Variants in RUNX2 observed in about 807,000 individuals in gnomAD.
The protein encoded by RUNX2 is RUNX family transcription factor 2.
Under a neutral mutation model 51.7 loss-of-function variants are expected in RUNX2, and 10 were observed. That is an observed-to-expected ratio of 0.19 (90% confidence interval 0.12 to 0.33). The LOEUF is 0.33. Among genes scored for constraint, RUNX2 ranks in the 10% least tolerant of loss-of-function variants. The pLI is 1.00. For missense variants in RUNX2, 562 were observed against 691.3 expected (o/e 0.81, Z 2.10); for synonymous variants, 276 against 273.6 (o/e 1.01, Z -0.09).
intron 7 of RUNX2, among the ~76,000 whole-genome samples, chr6:45,536,531 G>A (rs1191785320): frequency 2.6e-5 from 4 of 152,132 alleles, no homozygotes; most frequent in African/African-American, 7.2e-5. Flanking sequence ...GACCACACCT[G>A]GGGACCAAGC....
At chr6:45,465,089 C>T (rs903416718) in intron 5 of RUNX2, among the ~76,000 whole-genome samples, 2 of 152,124 alleles carry the variant, frequency 1.3e-5, no homozygotes, top group African/African-American at 4.8e-5. Context: ...TTTGTCTCTG[C>T]CATGGTTCCT....
At chr6:45,530,162 G>C (rs944706833) in intron 7 of RUNX2, among the ~76,000 whole-genome samples, 1 of 152,090 alleles carries the variant, frequency 6.6e-6, no homozygotes, top group African/African-American at 2.4e-5. Context: ...ACATTCCCTG[G>C]TACCTAAGAG....
chr6:45,451,979 A>T (rs908779796), intron 5 of RUNX2, among the ~76,000 whole-genome samples: 6 of 152,236 alleles, frequency 3.9e-5, no homozygotes, highest in African/African-American at 1.4e-4. Context: ...TCTTTAATTG[A>T]GAAAAATATG....
At chr6:45,391,569 A>T (rs1797470898) in intron 2 of RUNX2, among the ~76,000 whole-genome samples, 1 of 152,204 alleles carries the variant, frequency 6.6e-6, no homozygotes, top group Non-Finnish European at 1.5e-5. Flanking sequence ...GCTGTAAAGA[A>T]CTGCCTGAGA....
At chr6:45,475,943 CA>C (rs1206233643) in intron 5 of RUNX2, among the ~76,000 whole-genome samples, 1 of 152,188 alleles carries the variant, frequency 6.6e-6, no homozygotes, top group Non-Finnish European at 1.5e-5. Flanking sequence ...TAGATTTTAG[CA>C]ACCTCTGGTG....
intron 6 of RUNX2, among the ~76,000 whole-genome samples, chr6:45,511,489 GA>G (rs1482481578): frequency 6.6e-6 from 1 of 152,180 alleles, no homozygotes; most frequent in Admixed American, 6.5e-5. Flanking sequence ...ACTGGCTGGT[GA>G]TGAAACTTTT....
intron 5 of RUNX2, among the ~76,000 whole-genome samples, chr6:45,440,680 G>A (rs1290475533): frequency 6.6e-6 from 1 of 151,268 alleles, no homozygotes. Flanking sequence ...TGGAATATTT[G>A]CGTATATAAT....
chr6:45,515,380 T>C lies in RUNX2; in HGVS notation c.1021+2973T>C, dbSNP rs543345280. Reference sequence around the variant, plus strand: ...CTTCAGGGTTGGTGTGAGGATTAAGTGAGATACTTCATATAAAGTGTTTAG... The same window carrying C: ...CTTCAGGGTTGGTGTGAGGATTAAGCGAGATACTTCATATAAAGTGTTTAG... On this transcript the variant is annotated intron_variant, in intron 7 of 8. Coordinates refer to ENST00000647337, the MANE Select transcript of RUNX2 (RefSeq NM_001024630.4). Among the ~76,000 whole-genome samples, 7 of 152,306 alleles carry C rather than the reference T, an allele frequency of 4.6e-5. No homozygotes were observed. In the East Asian group the frequency reaches 1.3e-3, roughly 29 times the overall value.
chr6:45,373,076 G>T (rs559145016), intron 2 of RUNX2, among the ~76,000 whole-genome samples: 2 of 152,138 alleles, frequency 1.3e-5, no homozygotes, highest in South Asian at 4.2e-4. Flanking sequence ...CAAAGTGCTG[G>T]GATTACAGTT....
intron 5 of RUNX2, among the ~76,000 whole-genome samples, chr6:45,448,306 T>C (rs1474913884): frequency 3.9e-5 from 6 of 152,216 alleles, no homozygotes; most frequent in Non-Finnish European, 8.8e-5. Flanking sequence ...AGAGGTCATG[T>C]GGCTGTTGCT....
intron 2 of RUNX2, chr6:45,372,098 TATTA>T: frequency 2.3e-6 from 2 of 867,014 alleles, no homozygotes; most frequent in Non-Finnish European, 2.8e-6. Flanking sequence ...TGTTGTGAAA[TATTA>T]ATATCTGACT....
At chr6:45,354,698 A>G (rs1039091163) in intron 2 of RUNX2, among the ~76,000 whole-genome samples, 11 of 152,052 alleles carry the variant, frequency 7.2e-5, no homozygotes, top group African/African-American at 2.2e-4. Context: ...CACATTTAAA[A>G]AAAGAAAAAA....
chr6:45,489,785 G>A (rs749235355), intron 5 of RUNX2, among the ~76,000 whole-genome samples: 5 of 152,202 alleles, frequency 3.3e-5, no homozygotes. Context: ...AAACTAGTTA[G>A]ACCCAGCAAG....
intron 5 of RUNX2, among the ~76,000 whole-genome samples, chr6:45,447,145 G>C (rs1184544955): frequency 6.6e-6 from 1 of 152,230 alleles, no homozygotes; most frequent in Non-Finnish European, 1.5e-5. Flanking sequence ...TTGGAAGATA[G>C]GGGAGGAGTG....
chr6:45,383,261 A>G (rs888731407), intron 2 of RUNX2, among the ~76,000 whole-genome samples: 2 of 152,050 alleles, frequency 1.3e-5, no homozygotes, highest in African/African-American at 4.8e-5. Flanking sequence ...ACGAAACCTC[A>G]TCTCTACAAA....
intron 2 of RUNX2, among the ~76,000 whole-genome samples, chr6:45,362,611 T>C (rs1563025452): frequency 6.6e-6 from 1 of 152,140 alleles, no homozygotes; most frequent in Non-Finnish European, 1.5e-5. Flanking sequence ...CCCTGTTCTA[T>C]AAAGAAATTC....
intron 6 of RUNX2, among the ~76,000 whole-genome samples, chr6:45,496,315 T>C (rs1035443766): frequency 1.7e-4 from 26 of 152,220 alleles, no homozygotes; most frequent in African/African-American, 5.8e-4. Context: ...TTTTCACTCA[T>C]TCAAAAAATA....
At chr6:45,383,494 T>C (rs1363526014) in intron 2 of RUNX2, among the ~76,000 whole-genome samples, 1 of 152,162 alleles carries the variant, frequency 6.6e-6, no homozygotes, top group Non-Finnish European at 1.5e-5. Context: ...TAACATTCTA[T>C]AATAATTAAA....
chr6:45,544,478 C>T (rs12333172), intron 7 of RUNX2, among the ~76,000 whole-genome samples: 23,038 of 152,044 alleles, frequency 0.15, 2,198 homozygotes, highest in Middle Eastern at 0.23. Context: ...TGAAACCATA[C>T]GGAATTGTAA....
Sources: gnomAD v4.1 joint callset for allele counts (sites outside exome capture counted in the v4.1 genomes callset) on GRCh38, gnomAD v4.1.1 for gene constraint, MANE v1.5 for transcripts, NCBI Gene and HGNC (gene_info 2026-07-23, HGNC 2026-07-21) for gene names.